CCDC158: variants seen among roughly 807,000 people sequenced by gnomAD.
The protein encoded by CCDC158 is coiled-coil domain-containing protein 158.
CCDC158 carries 116 observed loss-of-function variants against 138.6 expected under a neutral mutation model. The ratio of observed to expected loss-of-function variants is 0.84; its 90% CI spans 0.72 to 0.98. The LOEUF (loss-of-function observed/expected upper bound fraction) is 0.98. Among genes scored for constraint, CCDC158 ranks in the 50% least tolerant of loss-of-function variants. The pLI, the probability that CCDC158 is intolerant of heterozygous loss-of-function variation, is 0.00. For missense variants in CCDC158, 1,265 were observed against 1,306.1 expected (o/e 0.97, Z 0.48); for synonymous variants, 436 against 442.4 (o/e 0.99, Z 0.18).
At chr4:76,351,883 T>C in intron 16 of CCDC158, 71 bp from the exon 17 acceptor site, 1 of 885,488 alleles carries the variant, frequency 1.1e-6, no homozygotes, top group Non-Finnish European at 1.8e-6. Flanking sequence ...AACCTATGAA[T>C]GCAGAGCTGC....
chr4:76,384,060 T>C (rs768895571), intron 6 of CCDC158, 28 bp downstream of exon 6: 2 of 1,436,474 alleles, frequency 1.4e-6, no homozygotes, highest in Non-Finnish European at 1.9e-6. Flanking sequence ...TAATATAAAA[T>C]TATTTAAGTA....
chr4:76,343,464 A>G (rs1323508436), intron 18 of CCDC158, among the ~76,000 whole-genome samples: 1 of 152,232 alleles, frequency 6.6e-6, no homozygotes, highest in Admixed American at 6.5e-5. Flanking sequence ...AAACATTAAT[A>G]ATTCAGGTAA....
chr4:76,396,677 A>G (rs940621313), intron 3 of CCDC158, among the ~76,000 whole-genome samples, 191 bp from the exon 4 acceptor site: 5 of 151,640 alleles, frequency 3.3e-5, no homozygotes, highest in Non-Finnish European at 7.4e-5. Flanking sequence ...TGCCGGGCTA[A>G]TTTTTTGTAT....
At chr4:76,367,893 T>G (rs1578992599) in intron 11 of CCDC158, 117 bp from the exon 12 acceptor site, 2 of 822,262 alleles carry the variant, frequency 2.4e-6, no homozygotes, top group Middle Eastern at 3.4e-4. Context: ...TTTAGTAAGA[T>G]CTTTTTTTTT....
chr4:76,403,262 T>C lies in CCDC158; in HGVS notation c.-55A>G. On this transcript the variant is annotated 5_prime_UTR_variant, in exon 3 of 25. Coordinates refer to ENST00000682701, the MANE Select transcript of CCDC158 (RefSeq NM_001394954.1). ...CTTGAAGTATGAATGGTTCCCTCTT[T>C]GGTTCTTTTGGTTCCTGTCTATGAA... The C allele has an allele frequency of 1.7e-6, 2 of 1,180,630 alleles. No individual in the cohort carries two copies. Among genetic ancestry groups the C allele is most frequent in the Non-Finnish European group, 2.4e-6 (2 of 817,600 alleles). The allele number at this position is 1,180,630 out of a possible 1,614,324, so 73.1% of individuals were successfully genotyped here. A position where few individuals can be genotyped will look rare whatever the true frequency, so the allele number is the denominator to read the frequency against.
chr4:76,400,421 G>A (rs1728251113), intron 3 of CCDC158, among the ~76,000 whole-genome samples: 1 of 147,592 alleles, frequency 6.8e-6, no homozygotes, highest in East Asian at 2.0e-4. Flanking sequence ...GGGGGAGGGG[G>A]GAGTGATAGC....
In CCDC158 at chr4:76,369,643, C is replaced by T. The variant is rs1725048417; in HGVS notation, c.1150-20G>A. 1.9e-6 allele frequency: 3 copies of T among 1,585,896 alleles called. No homozygotes were observed. Among genetic ancestry groups the T allele is most frequent in the Middle Eastern group, 1.7e-4 (1 of 5,976 alleles). On this transcript the variant is annotated intron_variant, in intron 10 of 24. Coordinates refer to ENST00000682701, the MANE Select transcript of CCDC158 (RefSeq NM_001394954.1). ...ATCAGCCTAAAAAAAGAGAGGAATG[C>T]TTTTTTCCTCCCTGCTATTAAATAA...
rs765281468 is a variant in CCDC158 at position 76,351,700 on chromosome 4, A to C, written c.2538+20T>G. The stretch of plus-strand genomic sequence containing the variant: ...GAACGGCATTATTTTCGCTTAAACT[A>C]ATATTTATGATGACCTTACTTTTAT... On this transcript the variant is annotated intron_variant, in intron 17 of 24. Transcript: ENST00000682701. 6.7e-7 allele frequency: 1 copy of C among 1,501,176 alleles called. No homozygotes were observed. Among genetic ancestry groups the C allele is most frequent in the Admixed American group, 1.7e-5 (1 of 59,270 alleles). The allele number at this position is 1,501,176 out of a possible 1,614,324, so 93.0% of individuals were successfully genotyped here.
chr4:76,328,904 A>T lies in CCDC158; in HGVS notation c.3006T>A (p.Ser1002=). Residue 1002 remains serine (S), a synonymous_variant, in exon 22 of 25, where the codon TCT becomes TCA. Coordinates refer to ENST00000682701, the MANE Select transcript of CCDC158 (RefSeq NM_001394954.1). ...GTGCTTTCATTGGAAACTCACCTGC[A>T]GATGTGAATGTGAAGCAACCAGAGG... The part of the protein sequence containing the change: ...EDPSGCFTFT[S]AASPSVKNSA... The T allele has an allele frequency of 2.5e-6, 4 of 1,613,276 alleles. No homozygotes were observed. The highest frequency in any genetic ancestry group is 1.7e-4 in the Middle Eastern group (1 of 6,056).
chr4:76,334,583 T>C (rs1034391656), intron 18 of CCDC158, among the ~76,000 whole-genome samples: 1 of 152,214 alleles, frequency 6.6e-6, no homozygotes, highest in African/African-American at 2.4e-5. Flanking sequence ...TATTTAGAGA[T>C]GAGTTAATCT....
intron 18 of CCDC158, among the ~76,000 whole-genome samples, chr4:76,336,263 C>T (rs1407147314): frequency 1.4e-5 from 2 of 144,896 alleles, no homozygotes; most frequent in African/African-American, 5.1e-5. Flanking sequence ...CTATGACATT[C>T]TTTTATTGAC....
chr4:76,343,270 T>C (rs1421686881), intron 18 of CCDC158, among the ~76,000 whole-genome samples: 2 of 152,130 alleles, frequency 1.3e-5, no homozygotes, highest in East Asian at 3.9e-4. Context: ...TAAAGACCTA[T>C]AGAAAATTTT....
intron 12 of CCDC158, among the ~76,000 whole-genome samples, chr4:76,363,080 G>A (rs1396642099): frequency 1.3e-5 from 2 of 152,192 alleles, no homozygotes; most frequent in Non-Finnish European, 2.9e-5. Context: ...AATAAGAGTG[G>A]CTCAGTGTGC....
intron 20 of CCDC158, 49 bp from the exon 21 acceptor site, chr4:76,331,452 C>T (rs2110101888): frequency 6.7e-7 from 1 of 1,491,452 alleles, no homozygotes; most frequent in Non-Finnish European, 9.3e-7. Flanking sequence ...ATGTTATTTC[C>T]TTACCAATAT....
chr4:76,358,576 G>C (rs1723808094), intron 13 of CCDC158, among the ~76,000 whole-genome samples: 1 of 152,098 alleles, frequency 6.6e-6, no homozygotes, highest in Non-Finnish European at 1.5e-5. Context: ...GTCACATTTT[G>C]ATATTTCATG....
At chr4:76,344,884 A>C (rs1722396775) in intron 18 of CCDC158, 6 of 1,562,924 alleles carry the variant, frequency 3.8e-6, no homozygotes, top group Non-Finnish European at 5.3e-6. Context: ...CAAGAACTGG[A>C]AGCCTAAGTG....
At chr4:76,363,886 G>A (rs1159199018) in intron 12 of CCDC158, among the ~76,000 whole-genome samples, 1 of 152,134 alleles carries the variant, frequency 6.6e-6, no homozygotes, top group Admixed American at 6.5e-5. Flanking sequence ...TGGGGGTAGG[G>A]GGAGAAGCAT....
At chr4:76,374,888 C>T (rs937130953) in intron 9 of CCDC158, among the ~76,000 whole-genome samples, 10 of 151,338 alleles carry the variant, frequency 6.6e-5, no homozygotes, top group South Asian at 2.1e-4. Context: ...GAAAAAGAAA[C>T]GAGCCAAGTC....
intron 9 of CCDC158, among the ~76,000 whole-genome samples, chr4:76,372,808 A>C (rs996822498): frequency 6.6e-6 from 1 of 152,044 alleles, no homozygotes; most frequent in Non-Finnish European, 1.5e-5. Context: ...ATGCATTTCT[A>C]TGACACATGC....
Sources: allele counts gnomAD v4.1 joint callset (sites outside exome capture counted in the v4.1 genomes callset), GRCh38; gene constraint gnomAD v4.1.1; transcripts MANE v1.5; gene names NCBI Gene and HGNC (gene_info 2026-07-23, HGNC 2026-07-21).